Variants in SORL1 observed in about 807,000 individuals in gnomAD.
SORL1 encodes sortilin related receptor 1.
In SORL1, 127 loss-of-function variants were observed where a neutral mutation model predicts 273.7. The observed-to-expected ratio is 0.46, with a 90% CI of 0.40 to 0.54. The LOEUF (loss-of-function observed/expected upper bound fraction) is 0.54. Ranked by LOEUF, SORL1 falls within the 20% of genes least tolerant of loss-of-function variation. The pLI, the probability that SORL1 is intolerant of heterozygous loss-of-function variation, is 0.00. For synonymous variants in SORL1, 1,031 were observed against 1,067.4 expected (o/e 0.97, Z 0.66); for missense variants, 2,494 against 2,846.1 (o/e 0.88, Z 2.81).
intron 25 of SORL1, among the ~76,000 whole-genome samples, chr11:121,581,599 A>C (rs550876620): frequency 1.3e-5 from 2 of 152,348 alleles, no homozygotes; most frequent in Admixed American, 1.3e-4. Context: ...TCAAAATCAG[A>C]GCTCATAAGT....
At chr11:121,478,044 A>C in intron 2 of SORL1, 74 bp from the exon 3 acceptor site, 1 of 1,461,958 alleles carries the variant, frequency 6.8e-7, no homozygotes, top group African/African-American at 1.4e-5. Context: ...AAAAAAAAAA[A>C]AAAAAAAAGA....
rs1372086749 is a variant in SORL1, at chr11:121,557,298, C to A, written c.2572-16C>A. On this transcript the variant is annotated splice_polypyrimidine_tract_variant and intron_variant, in intron 18 of 47. Coordinates refer to ENST00000260197, the MANE Select transcript of SORL1 (RefSeq NM_003105.6). ...CTCCGATCCATCTCAGCCTCTTTTC[C>A]CCCTGTTTTTGTCAGGTAGCTAATC... 13 of 1,595,596 alleles carry A rather than the reference C, an allele frequency of 8.1e-6. No homozygotes were observed. The Middle Eastern group carries it at 8.3e-4, about 101-fold the overall frequency.
chr11:121,503,369 C>T (rs773440303), intron 6 of SORL1, among the ~76,000 whole-genome samples: 3 of 151,522 alleles, frequency 2.0e-5, no homozygotes, highest in Non-Finnish European at 1.5e-5. Flanking sequence ...AGTTATTTAC[C>T]TTCATTCTTT....
At chr11:121,455,992 A>T (rs1269263904) in intron 1 of SORL1, among the ~76,000 whole-genome samples, 1 of 110,668 alleles carries the variant, frequency 9.0e-6, no homozygotes, top group African/African-American at 3.7e-5. Flanking sequence ...GACTCCATCT[A>T]AAAAAAAAAA....
At chr11:121,588,253 C>A in intron 28 of SORL1, 102 bp downstream of exon 28, 1 of 1,387,708 alleles carries the variant, frequency 7.2e-7, no homozygotes, top group Non-Finnish European at 1.0e-6. Flanking sequence ...ACTGACAGGT[C>A]TTGGTTGAGT....
rs114189536 is a variant in SORL1 at position 121,586,468 on chromosome 11, C to T, written c.3814+139C>T. 1.6e-3 allele frequency: 1,097 copies of T among 701,938 alleles called. 11 individuals are homozygous for T. The African/African-American group carries it at 0.016, about 10-fold the overall frequency. The allele number at this position is 701,938 out of a possible 1,614,324, so 43.5% of individuals were successfully genotyped here. A position where few individuals can be genotyped will look rare whatever the true frequency, so the allele number is the denominator to read the frequency against. On this transcript the variant is annotated intron_variant, in intron 27 of 47. Coordinates refer to ENST00000260197, the MANE Select transcript of SORL1 (RefSeq NM_003105.6). ...ACTGAGTTGATCCCTGAGTACTTGG[C>T]TAGGACTCCTGGAGGCTGATCGTGG... is the stretch of plus-strand genomic sequence containing the variant.
intron 6 of SORL1, among the ~76,000 whole-genome samples, chr11:121,502,679 A>G (rs372678794): frequency 1.3e-5 from 2 of 152,138 alleles, no homozygotes; most frequent in Non-Finnish European, 2.9e-5. Flanking sequence ...GGCCATTTGT[A>G]TGTCTTTCTT....
intron 30 of SORL1, 52 bp downstream of exon 30, chr11:121,590,226 T>G: frequency 6.4e-7 from 1 of 1,570,672 alleles, no homozygotes; most frequent in African/African-American, 1.4e-5. Context: ...CACACCAGAA[T>G]AGTTCCACCA....
chr11:121,611,260 A>C, intron 39 of SORL1, 102 bp downstream of exon 39: 1 of 820,354 alleles, frequency 1.2e-6, no homozygotes, highest in Admixed American at 2.4e-5. Context: ...AAAAACAAAA[A>C]ACAAAAAAAA....
chr11:121,471,050 C>G (rs1032243250), intron 2 of SORL1, among the ~76,000 whole-genome samples: 1 of 152,286 alleles, frequency 6.6e-6, no homozygotes, highest in African/African-American at 2.4e-5. Context: ...AAGTCTGTGG[C>G]CTTGTTGGAC....
rs148507485 is a variant in SORL1 at position 121,577,633 on chromosome 11, A to C, written c.3580+233A>C. Among the ~76,000 whole-genome samples the C allele has an allele frequency of 7.7e-3, 1,173 of 152,316 alleles. 9 individuals are homozygous for C. The highest frequency in any genetic ancestry group is 0.027 in the African/African-American group (1,118 of 41,556). On this transcript the variant is annotated intron_variant, in intron 25 of 47. Transcript: ENST00000260197. ...AACAGTGTTCTGAGTGATATCGTTG[A>C]TTTATGTTCTGGCTCAAGCTTCTTA...
intron 11 of SORL1, among the ~76,000 whole-genome samples, chr11:121,530,112 T>C (rs1056840786): frequency 5.3e-5 from 8 of 152,234 alleles, no homozygotes; most frequent in African/African-American, 1.7e-4. Flanking sequence ...CACCTATATG[T>C]TATTTTCATA....
At chr11:121,467,703 G>A (rs1230127676) in intron 1 of SORL1, among the ~76,000 whole-genome samples, 1 of 152,196 alleles carries the variant, frequency 6.6e-6, no homozygotes, top group Non-Finnish European at 1.5e-5. Context: ...ATGGATCCAG[G>A]GGATTGGGCT....
At chr11:121,609,600 G>A (rs972607771) in intron 38 of SORL1, 1 of 152,202 alleles carries the variant, frequency 6.6e-6, no homozygotes, top group Admixed American at 6.5e-5. Flanking sequence ...TTTGGGCTAG[G>A]ATTTGTACAG....
chr11:121,452,797 T>C lies in SORL1; in HGVS notation c.285+181T>C. On this transcript the variant is annotated intron_variant, in intron 1 of 47. Transcript: ENST00000260197. The surrounding 1 kb of genome is among the most constrained non-coding windows in gnomAD (Gnocchi z 5.3). Reference sequence around the variant, plus strand: ...GCACTTGAATCGCATTGATCTTTCCTTCTTCCTGTCGATTTAGTAAACGTA... The same window carrying C: ...GCACTTGAATCGCATTGATCTTTCCCTCTTCCTGTCGATTTAGTAAACGTA... 1.9e-6 allele frequency: 1 copy of C among 520,348 alleles called. No individual in the cohort carries two copies. Among genetic ancestry groups the C allele is most frequent in the African/African-American group, 2.0e-5 (1 of 49,916 alleles). 32.2% of individuals were successfully genotyped at this position (520,348 alleles called of 1,614,324 possible).
chr11:121,582,585 A>T (rs1863028770), intron 25 of SORL1, among the ~76,000 whole-genome samples: 1 of 152,214 alleles, frequency 6.6e-6, no homozygotes, highest in African/African-American at 2.4e-5. Context: ...CTAGTGTTTG[A>T]CTGAGTTTTT....
chr11:121,573,360 C>G (rs919383125), intron 23 of SORL1, among the ~76,000 whole-genome samples: 41 of 152,308 alleles, frequency 2.7e-4, no homozygotes, highest in Admixed American at 5.9e-4. Context: ...GCCTGTAATC[C>G]TAGCACTTTG....
rs148734115 is a variant in SORL1, at chr11:121,500,589, G to T, written c.939+3540G>T. Reference sequence around the variant, plus strand: ...TAGGTACCTATACAGAGGCAATATGGCTCCAAAAGCCTAAAATATCTATTA... The same window carrying T: ...TAGGTACCTATACAGAGGCAATATGTCTCCAAAAGCCTAAAATATCTATTA... On this transcript the variant is annotated intron_variant, in intron 6 of 47. Transcript: ENST00000260197. 1.1e-4 allele frequency among the ~76,000 whole-genome samples: 16 copies of T among 152,260 alleles called. No individual in the cohort carries two copies. The East Asian group carries it at 3.1e-3, about 29-fold the overall frequency.
chr11:121,537,908 A>G (rs1056090945), intron 12 of SORL1, among the ~76,000 whole-genome samples: 2 of 152,150 alleles, frequency 1.3e-5, no homozygotes, highest in Non-Finnish European at 2.9e-5. Flanking sequence ...GGACCCTGTC[A>G]TGTTCTCCTG....
Sources: allele counts gnomAD v4.1 joint callset (sites outside exome capture counted in the v4.1 genomes callset), GRCh38; gene constraint gnomAD v4.1.1; non-coding constraint Gnocchi (gnomAD v3.1); transcripts MANE v1.5; gene names NCBI Gene and HGNC (gene_info 2026-07-23, HGNC 2026-07-21).